The following WNK1 variants were observed in gnomAD, a reference collection of about 807,000 sequenced individuals.
WNK1 encodes WNK lysine deficient protein kinase 1.
WNK1 carries 38 observed loss-of-function variants against 222.8 expected under a neutral mutation model. That is an observed-to-expected ratio of 0.17 (90% CI 0.13 to 0.22). The LOEUF is 0.22. WNK1 is among the 10% of genes least tolerant of loss of function. The pLI is 1.00. For missense variants in WNK1, 2,348 were observed against 2,918.4 expected, an observed-to-expected ratio of 0.80 and a Z score of 4.50; for synonymous variants, 1,090 against 1,092.9, an observed-to-expected ratio of 1.00 and a Z score of 0.05.
At chr12:817,867 C>T (rs890073857) in intron 2 of WNK1, among the ~76,000 whole-genome samples, 2 of 151,928 alleles carry the variant, frequency 1.3e-5, no homozygotes, top group African/African-American at 4.8e-5. Context: ...GCAAGAGAAT[C>T]GCTTGACCCC....
At position 768,921 on chromosome 12, in the gene WNK1, T is replaced by C. The variant is rs536605864; in HGVS notation, c.759+14597T>C. The stretch of plus-strand genomic sequence containing the variant: ...GCTTCCCAGGTTCAAGCGATTCTTC[T>C]GCCTCAGCCTCCCGAGTAGCTGGGA... On this transcript the variant is annotated intron_variant, in intron 1 of 27. Transcript: ENST00000315939. Among the ~76,000 whole-genome samples, 27 of 152,114 alleles carry C rather than the reference T, an allele frequency of 1.8e-4. No homozygotes were observed. In the East Asian group the frequency reaches 4.5e-3, roughly 25 times the overall value.
At chr12:850,372 A>G (rs1422189317) in intron 4 of WNK1, among the ~76,000 whole-genome samples, 5 of 152,170 alleles carry the variant, frequency 3.3e-5, no homozygotes, top group Admixed American at 6.5e-5. Flanking sequence ...TCTTCTTTTG[A>G]GAAGTGTCTG....
chr12:887,330 T>C, intron 20 of WNK1, 26 bp downstream of exon 20: 1 of 1,610,580 alleles, frequency 6.2e-7, no homozygotes, highest in Non-Finnish European at 8.5e-7. Flanking sequence ...ACAAATTTCT[T>C]CCTGTGCCCT....
At chr12:771,225 C>T (rs535252168) in intron 1 of WNK1, among the ~76,000 whole-genome samples, 1 of 151,996 alleles carries the variant, frequency 6.6e-6, no homozygotes, top group Admixed American at 6.5e-5. Context: ...TCTCCATCTC[C>T]TGACCTCGTG....
At position 868,671 on chromosome 12, in the gene WNK1, G is replaced by A. The variant is rs754778552; in HGVS notation, c.2140-2594G>A. On this transcript the variant is annotated intron_variant, in intron 8 of 27. Coordinates refer to ENST00000315939, the MANE Select transcript of WNK1 (RefSeq NM_018979.4). ...CCAAGCTCCTCTTCAGGAGAAGGAG[G>A]TGGAATTTTACCTCAGCGTGTTTAC... is the stretch of plus-strand genomic sequence containing the variant. The A allele has an allele frequency of 1.9e-6, 3 of 1,613,830 alleles. No individual in the cohort carries two copies. The African/African-American group carries it at 4.0e-5, about 22-fold the overall frequency.
chr12:768,324 C>T (rs1160405074), intron 1 of WNK1, among the ~76,000 whole-genome samples: 2 of 152,074 alleles, frequency 1.3e-5, no homozygotes, highest in African/African-American at 2.4e-5. Flanking sequence ...TTAGTAGAGA[C>T]GGGATTTCAT....
intron 8 of WNK1, chr12:868,648 A>G (rs1218448850): frequency 6.2e-7 from 1 of 1,614,026 alleles, no homozygotes; most frequent in East Asian, 2.2e-5. Context: ...TTCACACACC[A>G]AGCTCCTCTT....
At chr12:757,309 C>CTTTTTT (rs946901263) in intron 1 of WNK1, among the ~76,000 whole-genome samples, 2 of 83,596 alleles carry the variant, frequency 2.4e-5, no homozygotes, top group African/African-American at 8.7e-5. Flanking sequence ...AGCATCAATT[C>CTTTTTT]TTTTTTTTTT....
intron 2 of WNK1, among the ~76,000 whole-genome samples, chr12:825,256 T>C (rs1769986668): frequency 6.6e-6 from 1 of 152,222 alleles, no homozygotes; most frequent in Admixed American, 6.5e-5. Flanking sequence ...AAACCCACTT[T>C]TGCTATTAGT....
At chr12:860,007 C>T (rs1038597173) in intron 6 of WNK1, among the ~76,000 whole-genome samples, 4 of 151,988 alleles carry the variant, frequency 2.6e-5, no homozygotes, top group African/African-American at 7.3e-5. Flanking sequence ...TGAGCCACTT[C>T]GCCCGGCCAA....
rs1261454945 is a variant in WNK1, at chr12:753,602, C to T, written c.37C>T (p.Pro13Ser). Residue 13 changes from proline (P) to serine (S), a missense_variant, in exon 1 of 28, where the codon CCC (proline) becomes TCC (serine). Physicochemically the swap from Pro to Ser is moderately conservative, Grantham distance 74. This residue lies in a region of WNK1 where 108 missense variants were observed against 109.7 expected (regional missense o/e 0.98). Transcript: ENST00000315939. The surrounding 1 kb of genome is among the most constrained non-coding windows in gnomAD (Gnocchi z 5.2). ...GGAAEKQSST[P>S]GSLFLSPPAP... ...CGCCGCAGAGAAGCAGAGCAGCACT[C>T]CCGGTTCCCTGTTCCTCTCGCCGCC... is the stretch of plus-strand genomic sequence containing the variant. The T allele has an allele frequency of 2.9e-5, 46 of 1,612,770 alleles. No homozygotes were observed. The highest frequency in any genetic ancestry group is 3.7e-5 in the Non-Finnish European group (44 of 1,179,934).
At chr12:826,575 A>G (rs1353371354) in intron 2 of WNK1, among the ~76,000 whole-genome samples, 3 of 152,214 alleles carry the variant, frequency 2.0e-5, no homozygotes, top group Non-Finnish European at 4.4e-5. Flanking sequence ...ACTAGAGTTT[A>G]TAAATACATC....
chr12:894,559 C>T lies in WNK1; in HGVS notation c.5510-3C>T. The T allele has an allele frequency of 6.2e-7, 1 of 1,613,442 alleles. No individual in the cohort carries two copies. The highest frequency in any genetic ancestry group is 8.5e-7 in the Non-Finnish European group (1 of 1,179,498). ...GTTTTCCTCATCCATGTATTTGTTTCAGTTTCTCAAGTCAAAGAAGGCCCT... is the reference window on the plus strand; with the variant it reads ...GTTTTCCTCATCCATGTATTTGTTTTAGTTTCTCAAGTCAAAGAAGGCCCT... On this transcript the variant is annotated splice_polypyrimidine_tract_variant and splice_region_variant and intron_variant, in intron 22 of 27. Coordinates refer to ENST00000315939, the MANE Select transcript of WNK1 (RefSeq NM_018979.4).
intron 2 of WNK1, among the ~76,000 whole-genome samples, chr12:822,097 T>TA (rs1273829518): frequency 1.4e-5 from 2 of 138,148 alleles, no homozygotes; most frequent in African/African-American, 5.3e-5. Flanking sequence ...CTTTTTTTTT[T>TA]TTTTTTTTTT....
rs759153244 is a variant in WNK1, at chr12:884,272, T to G, written c.3844+29T>G. On this transcript the variant is annotated intron_variant, in intron 18 of 27. Transcript: ENST00000315939. This position sits in a 1 kb window ranked among gnomAD's most constrained non-coding sequence, Gnocchi z 5.6. Reference sequence around the variant, plus strand: ...AGGGATTGATTCTGCCACATTGTTATGTAAATTCTACAGTGCCTCTGCTAT... The same window carrying G: ...AGGGATTGATTCTGCCACATTGTTAGGTAAATTCTACAGTGCCTCTGCTAT... The G allele has an allele frequency of 6.2e-7, 1 of 1,613,746 alleles. No homozygotes were observed. Among genetic ancestry groups the G allele is most frequent in the Non-Finnish European group, 8.5e-7 (1 of 1,179,810 alleles).
Position 871,311 on chromosome 12 carries a change from G to C in WNK1, c.2186G>C (p.Gly729Ala), listed in dbSNP as rs1298005428. The change falls in exon 9 of 28, where the codon GGG becomes GCG. Residue 729 changes from glycine (G) to alanine (A), a missense_variant. Coordinates refer to ENST00000315939, the MANE Select transcript of WNK1 (RefSeq NM_018979.4). ...QGQPSSSSLTGVSSSQPIQHP... is the reference protein window; with the variant it reads ...QGQPSSSSLTAVSSSQPIQHP... ...CAGCCATCCTCAAGTAGCTTAACAG[G>C]GGTTTCATCTTCCCAACCCATACAA... 6.2e-7 allele frequency: 1 copy of C among 1,614,010 alleles called. No homozygotes were observed. Among genetic ancestry groups the C allele is most frequent in the Non-Finnish European group, 8.5e-7 (1 of 1,180,038 alleles).
chr12:858,572 T>C (rs1950959402), intron 5 of WNK1, among the ~76,000 whole-genome samples: 1 of 152,176 alleles, frequency 6.6e-6, no homozygotes, highest in Non-Finnish European at 1.5e-5. Flanking sequence ...ACAATCAGAC[T>C]TCTGCTTGCC....
chr12:794,769 T>G (rs1462281876), intron 1 of WNK1, among the ~76,000 whole-genome samples: 1 of 152,224 alleles, frequency 6.6e-6, no homozygotes, highest in Non-Finnish European at 1.5e-5. Flanking sequence ...TATTCATTTA[T>G]TAGAGACAGT....
intron 4 of WNK1, among the ~76,000 whole-genome samples, chr12:844,116 TA>T (rs1565508136): frequency 6.6e-6 from 1 of 152,144 alleles, no homozygotes; most frequent in Non-Finnish European, 1.5e-5. Context: ...TGTTGCTTTT[TA>T]AAAATTTTCT....
Sources: allele counts gnomAD v4.1 joint callset (sites outside exome capture counted in the v4.1 genomes callset), GRCh38; gene constraint gnomAD v4.1.1; regional missense constraint gnomAD v4.1.1; non-coding constraint Gnocchi (gnomAD v3.1); transcripts MANE v1.5; gene names NCBI Gene and HGNC (gene_info 2026-07-23, HGNC 2026-07-21).